Variants in GAS2L3 observed in about 807,000 individuals in gnomAD.
The protein encoded by GAS2L3 is growth arrest specific 2 like 3.
In GAS2L3, 28 loss-of-function variants were observed where a neutral mutation model predicts 37.0. That is an observed-to-expected ratio of 0.76 (90% confidence interval 0.56 to 1.04). GAS2L3 has a LOEUF of 1.04. GAS2L3 is among the 50% of genes least tolerant of loss of function. The pLI is 0.00. For missense variants in GAS2L3, 793 were observed against 817.6 expected (o/e 0.97, Z 0.37); for synonymous variants, 290 against 296.6 (o/e 0.98, Z 0.23).
chr12:100,622,749 T>TAAAAAAAAAAAAAAAAAAAAAAAAAA lies in GAS2L3; in HGVS notation c.756+375_756+400dup. Among the ~76,000 whole-genome samples, 3 of 26,840 alleles carry TAAAAAAAAAAAAAAAAAAAAAAAAAA rather than the reference T, an allele frequency of 1.1e-4. 1 individual carries two copies. The highest frequency in any genetic ancestry group is 1.9e-4 in the Non-Finnish European group (3 of 15,764). The allele number at this position is 26,840 out of a possible 152,430, so 17.6% of individuals were successfully genotyped here. ...ATCTAATAAGATTGAGTATCCATAG[T>TAAAAAAAAAAAAAAAAAAAAAAAAAA]AAAAAAAAAAAAAAAAAAAAAAAAA... On this transcript the variant is annotated intron_variant, in intron 9 of 9. Coordinates refer to ENST00000547754, the MANE Select transcript of GAS2L3 (RefSeq NM_174942.3).
rs755988220 is a variant in GAS2L3, at chr12:100,600,531, C to A, written c.168C>A (p.Ile56=). 6.2e-7 allele frequency: 1 copy of A among 1,613,326 alleles called. No individual in the cohort carries two copies. Among genetic ancestry groups the A allele is most frequent in the Non-Finnish European group, 8.5e-7 (1 of 1,179,662 alleles). The change falls in exon 4 of 10, where the codon ATC becomes ATA. Residue 56 remains isoleucine, a synonymous_variant. Coordinates refer to ENST00000547754, the MANE Select transcript of GAS2L3 (RefSeq NM_174942.3). Reference sequence around the variant, plus strand: ...TGCCCATGCAAGAAGATCTGTCAATCTGGTTATCTGGTTTATTAGGTGAGG... The same window carrying A: ...TGCCCATGCAAGAAGATCTGTCAATATGGTTATCTGGTTTATTAGGTGAGG... ...TLLPMQEDLS[I]WLSGLLGIKV...
At chr12:100,622,481 A>T (rs1303521973) in intron 9 of GAS2L3, 99 bp downstream of exon 9, 5 of 589,812 alleles carry the variant, frequency 8.5e-6, no homozygotes, top group African/African-American at 7.5e-5. Flanking sequence ...TTTTAAAAAC[A>T]TTGGAAAAGA....
At chr12:100,621,882 G>GGAGAGAGAGA (rs1205356059) in intron 8 of GAS2L3, among the ~76,000 whole-genome samples, 88 of 81,272 alleles carry the variant, frequency 1.1e-3, no homozygotes, top group African/African-American at 3.4e-3. Context: ...GGTGGGGGGG[G>GGAGAGAGAGA]GAGAGAGAGA....
intron 1 of GAS2L3, among the ~76,000 whole-genome samples, chr12:100,585,615 T>A (rs1422523988): frequency 6.6e-6 from 1 of 152,202 alleles, no homozygotes; most frequent in East Asian, 1.9e-4. Context: ...ATCACCCTCA[T>A]CTCAGTAAAT....
rs1956336441 is a variant in GAS2L3, at chr12:100,626,796, T to A, written c.*1906T>A. 6.6e-6 allele frequency: 1 copy of A among 152,162 alleles called. No individual in the cohort carries two copies. The highest frequency in any genetic ancestry group is 1.5e-5 in the Non-Finnish European group (1 of 68,028). 9.4% of individuals were successfully genotyped at this position (152,162 alleles called of 1,614,324 possible). Reference sequence around the variant, plus strand: ...GTATCCCACAGGCATCTGACACAAATTCCAGAATTAGCCAAAGAATTGTTT... The same window carrying A: ...GTATCCCACAGGCATCTGACACAAAATCCAGAATTAGCCAAAGAATTGTTT... On this transcript the variant is annotated 3_prime_UTR_variant, in exon 10 of 10. Coordinates refer to ENST00000547754, the MANE Select transcript of GAS2L3 (RefSeq NM_174942.3).
At chr12:100,589,631 A>G (rs1053175905) in intron 1 of GAS2L3, among the ~76,000 whole-genome samples, 1 of 152,216 alleles carries the variant, frequency 6.6e-6, no homozygotes, top group Non-Finnish European at 1.5e-5. Context: ...GACTAATCAA[A>G]AAAGAATAAA....
At chr12:100,596,009 G>A (rs1195544907) in intron 3 of GAS2L3, among the ~76,000 whole-genome samples, 19 of 151,870 alleles carry the variant, frequency 1.3e-4, no homozygotes, top group Admixed American at 1.2e-3. Context: ...CTAGAGAAGA[G>A]AATTTATCAA....
At chr12:100,574,459 C>A (rs983520185) in intron 1 of GAS2L3, among the ~76,000 whole-genome samples, 11 of 152,150 alleles carry the variant, frequency 7.2e-5, no homozygotes, top group Admixed American at 5.2e-4. Context: ...CGGGGAGAGG[C>A]TGGCAAAAGA....
intron 2 of GAS2L3, chr12:100,592,570 C>T (rs544963576): frequency 6.6e-6 from 1 of 152,172 alleles, no homozygotes; most frequent in East Asian, 1.9e-4. Flanking sequence ...ATCTTGAGTA[C>T]CTCATGACTT....
At chr12:100,620,081 T>C (rs1956235230) in intron 8 of GAS2L3, among the ~76,000 whole-genome samples, 1 of 152,036 alleles carries the variant, frequency 6.6e-6, no homozygotes, top group African/African-American at 2.4e-5. Context: ...TATTAAGAGC[T>C]ACAAAAATAT....
chr12:100,593,389 A>G (rs959826286), intron 2 of GAS2L3, among the ~76,000 whole-genome samples: 2 of 152,190 alleles, frequency 1.3e-5, no homozygotes, highest in African/African-American at 4.8e-5. Context: ...TTAAAAATGT[A>G]TGTGAAGACT....
At position 100,580,185 on chromosome 12, in the gene GAS2L3, T is replaced by C. The variant is rs1955693329; in HGVS notation, c.-152+6400T>C. The C allele has an allele frequency of 9.7e-6, 7 of 721,618 alleles. No homozygotes were observed. In the Admixed American group the frequency reaches 1.4e-4, roughly 14 times the overall value. The allele number at this position is 721,618 out of a possible 1,614,324, so 44.7% of individuals were successfully genotyped here. ...GAGGGGGTGAGAATATTAAGATATC[T>C]AAAACCAGGTAGAAGAGAGCCTACA... On this transcript the variant is annotated intron_variant, in intron 1 of 9. Transcript: ENST00000547754.
At chr12:100,622,516 G>A in intron 9 of GAS2L3, 134 bp downstream of exon 9, 4 of 519,430 alleles carry the variant, frequency 7.7e-6, no homozygotes, top group Non-Finnish European at 1.4e-5. Context: ...GGATTTCACT[G>A]TACAGGGAAA....
At chr12:100,603,783 A>G (rs1410562078) in intron 5 of GAS2L3, among the ~76,000 whole-genome samples, 1 of 152,052 alleles carries the variant, frequency 6.6e-6, no homozygotes, top group East Asian at 1.9e-4. Context: ...TAAGTCTTTA[A>G]TCCATTTTTA....
chr12:100,609,450 C>A (rs1230287634), intron 5 of GAS2L3, among the ~76,000 whole-genome samples: 1 of 152,148 alleles, frequency 6.6e-6, no homozygotes, highest in Non-Finnish European at 1.5e-5. Flanking sequence ...GCTGCGCTCC[C>A]TGTCTCCCAA....
chr12:100,591,602 A>G (rs1955847445), intron 1 of GAS2L3, 134 bp from the exon 2 acceptor site: 1 of 152,206 alleles, frequency 6.6e-6, no homozygotes, highest in Non-Finnish European at 1.5e-5. Flanking sequence ...CAAATGAACT[A>G]CAATTATGTC....
In GAS2L3 at chr12:100,624,020, A is replaced by T; in HGVS notation, c.1215A>T (p.Ser405=). 1 of 1,614,042 alleles carries T rather than the reference A, an allele frequency of 6.2e-7. No individual in the cohort carries two copies. Among genetic ancestry groups the T allele is most frequent in the Non-Finnish European group, 8.5e-7 (1 of 1,179,996 alleles). ...PQAPSNNASS[S]LASLNPVGKN... ...CTCCTTCAAACAATGCATCATCTTC[A>T]CTTGCTTCATTAAATCCAGTAGGTA... Residue 405 remains serine (S), a synonymous_variant, in exon 10 of 10, where the codon TCA becomes TCT. Transcript: ENST00000547754.
At chr12:100,622,448 C>T in intron 9 of GAS2L3, 66 bp downstream of exon 9, 1 of 794,932 alleles carries the variant, frequency 1.3e-6, no homozygotes, top group Non-Finnish European at 2.1e-6. Context: ...TATTGCTTTA[C>T]TAACCTTTTG....
rs1315717269 is a variant in GAS2L3 at position 100,623,776 on chromosome 12, A to G, written c.971A>G (p.Asn324Ser). 6.2e-7 allele frequency: 1 copy of G among 1,614,130 alleles called. No individual in the cohort carries two copies. Among genetic ancestry groups the G allele is most frequent in the South Asian group, 1.1e-5 (1 of 91,084 alleles). Residue 324 changes from asparagine (N) to serine (S), a missense_variant, in exon 10 of 10, where the codon AAC becomes AGC. Physicochemically the swap from Asn to Ser is conservative, Grantham distance 46. Transcript: ENST00000547754. ...PPEMNPLSAV[N>S]MFQKQNSKPS... ...GAAATGAATCCTTTGTCAGCAGTTA[A>G]CATGTTTCAGAAACAAAATTCAAAA...
Sources: gnomAD v4.1 joint callset for allele counts (sites outside exome capture counted in the v4.1 genomes callset) on GRCh38, gnomAD v4.1.1 for gene constraint, MANE v1.5 for transcripts, NCBI Gene and HGNC (gene_info 2026-07-23, HGNC 2026-07-21) for gene names.